The following CCNY variants were observed in gnomAD, a reference collection of about 807,000 sequenced individuals.
CCNY encodes cyclin Y.
CCNY carries 19 observed loss-of-function variants against 42.8 expected under a neutral mutation model. The observed-to-expected ratio is 0.44, with a 90% CI of 0.31 to 0.65. The LOEUF (loss-of-function observed/expected upper bound fraction) is 0.65, where lower values mean the gene tolerates loss of function less well. CCNY is among the 30% of genes least tolerant of loss of function. The probability of loss-of-function intolerance (pLI) is 0.07; values close to 1 mark genes in which losing one functional copy is unlikely to be tolerated. For missense variants in CCNY, 370 were observed against 437.3 expected (o/e 0.85, Z 1.37); for synonymous variants, 165 against 162.7 (o/e 1.01, Z -0.11).
In CCNY at chr10:35,499,284, G is replaced by A. The variant is rs113828934; in HGVS notation, c.230-2217G>A. The stretch of plus-strand genomic sequence containing the variant: ...TCATGGTGGAAGGTATCTCAGGCAC[G>A]TCTCACATCGCGGCAGAGAAGAGAA... On this transcript the variant is annotated intron_variant, in intron 2 of 9. Coordinates refer to ENST00000374704, the MANE Select transcript of CCNY (RefSeq NM_145012.6). Among the ~76,000 whole-genome samples, 518 of 152,272 alleles carry A rather than the reference G, an allele frequency of 3.4e-3. 4 individuals carry two copies. The highest frequency in any genetic ancestry group is 0.012 in the African/African-American group (485 of 41,572).
At chr10:35,439,309 A>G (rs1011723618) in intron 1 of CCNY, among the ~76,000 whole-genome samples, 6 of 151,892 alleles carry the variant, frequency 4.0e-5, no homozygotes, top group Admixed American at 2.0e-4. Flanking sequence ...ATTCTGGTCT[A>G]TTTCTCGATT....
chr10:35,528,218 G>A (rs973580126), intron 5 of CCNY, among the ~76,000 whole-genome samples: 4 of 152,144 alleles, frequency 2.6e-5, no homozygotes, highest in Non-Finnish European at 4.4e-5. Flanking sequence ...AATAAGGTGA[G>A]GGAATCCGCT....
chr10:35,312,776 G>A (rs1039359507), intron 3 of CCNY, among the ~76,000 whole-genome samples: 17 of 131,328 alleles, frequency 1.3e-4, no homozygotes, highest in Non-Finnish European at 4.8e-5. Context: ...TTTAGAGTTG[G>A]GGTCTTGTTC....
At chr10:35,303,684 G>A (rs1244079159) in intron 3 of CCNY, among the ~76,000 whole-genome samples, 1 of 149,836 alleles carries the variant, frequency 6.7e-6, no homozygotes, top group Non-Finnish European at 1.5e-5. Context: ...GGCTGAGGCA[G>A]GAGAATCCCT....
At chr10:35,485,309 C>T (rs891121582) in intron 2 of CCNY, among the ~76,000 whole-genome samples, 1 of 152,196 alleles carries the variant, frequency 6.6e-6, no homozygotes, top group East Asian at 1.9e-4. Context: ...TTGCTGTCAC[C>T]AAGAATTCCG....
In CCNY at chr10:35,256,388, C is replaced by T. The variant is rs111459716; in HGVS notation, c.-9+5762C>T. ...TATTTTCTCTGGTTACCATGGAGAT[C>T]GCATTTAACTTCCTAAAGTTATAAA... On this transcript the variant is annotated intron_variant, in intron 3 of 11. Coordinates refer to the CCNY transcript ENST00000374706. Among the ~76,000 whole-genome samples, 1,379 of 152,136 alleles carry T rather than the reference C, an allele frequency of 9.1e-3. 9 individuals carry two copies. Among genetic ancestry groups the T allele is most frequent in the African/African-American group, 0.021 (868 of 41,510 alleles).
intron 3 of CCNY, chr10:35,251,113 T>C (rs1350195885): frequency 6.6e-6 from 1 of 152,162 alleles, no homozygotes; most frequent in Non-Finnish European, 1.5e-5. Context: ...AGACTATTTT[T>C]TGGCCAGGTG....
chr10:35,436,437 G>C (rs147193935), intron 1 of CCNY, among the ~76,000 whole-genome samples: 57 of 152,330 alleles, frequency 3.7e-4, no homozygotes, highest in Non-Finnish European at 5.9e-5. Flanking sequence ...CCTGCAGTTG[G>C]TTGAAGGGTT....
At chr10:35,260,458 A>G (rs2095718714) in intron 3 of CCNY, among the ~76,000 whole-genome samples, 1 of 152,196 alleles carries the variant, frequency 6.6e-6, no homozygotes, top group African/African-American at 2.4e-5. Flanking sequence ...TAGTATGTCA[A>G]ATCTGGGACC....
chr10:35,419,576 A>G (rs1476263145), intron 1 of CCNY, among the ~76,000 whole-genome samples: 2 of 143,916 alleles, frequency 1.4e-5, no homozygotes, highest in African/African-American at 5.5e-5. Context: ...TTAAGGTGAT[A>G]AGTTATCGGT....
chr10:35,470,287 C>T (rs1010141981), intron 1 of CCNY, among the ~76,000 whole-genome samples: 3 of 150,220 alleles, frequency 2.0e-5, no homozygotes, highest in Non-Finnish European at 3.0e-5. Flanking sequence ...GTGGAGAGAC[C>T]GACAGAGGGA....
chr10:35,543,317 G>A (rs1034033944), intron 7 of CCNY, among the ~76,000 whole-genome samples: 5 of 152,128 alleles, frequency 3.3e-5, no homozygotes, highest in South Asian at 2.1e-4. Context: ...CCCATGGGTC[G>A]AAGTCTGAAG....
intron 1 of CCNY, among the ~76,000 whole-genome samples, chr10:35,406,241 A>ATTTT (rs1554785130): frequency 2.3e-4 from 22 of 96,674 alleles, no homozygotes; most frequent in African/African-American, 3.5e-4. Flanking sequence ...TTATTTATTT[A>ATTTT]TTTTTTTATT....
intron 1 of CCNY, among the ~76,000 whole-genome samples, chr10:35,461,140 A>G (rs567322660): frequency 2.3e-4 from 35 of 152,294 alleles, no homozygotes; most frequent in Non-Finnish European, 4.4e-4. Context: ...GAAGGATGAC[A>G]CTTTCCATAT....
At chr10:35,386,907 A>C (rs139024509) in intron 1 of CCNY, among the ~76,000 whole-genome samples, 1 of 151,996 alleles carries the variant, frequency 6.6e-6, no homozygotes, top group Non-Finnish European at 1.5e-5. Context: ...AAGCGTTGGG[A>C]GTGAAAAGCT....
In CCNY at chr10:35,552,906, TAATA is replaced by T; in HGVS notation, c.580-109_580-106del. 1.5e-5 allele frequency: 16 copies of T among 1,078,854 alleles called. No homozygotes were observed. The South Asian group carries it at 2.3e-4, about 16-fold the overall frequency. 66.8% of individuals were successfully genotyped at this position (1,078,854 alleles called of 1,614,324 possible). A position where few individuals can be genotyped will look rare whatever the true frequency, so the allele number is the denominator to read the frequency against. On this transcript the variant is annotated intron_variant, in intron 7 of 9. Coordinates refer to ENST00000374704, the MANE Select transcript of CCNY (RefSeq NM_145012.6). The stretch of plus-strand genomic sequence containing the variant: ...CCTTTTAAAAATAAATGTGATTGGG[TAATA>T]AATTCCCATTTAAAGGTGGATGTAA...
chr10:35,472,160 C>A (rs982253541), intron 1 of CCNY, among the ~76,000 whole-genome samples: 1 of 152,136 alleles, frequency 6.6e-6, no homozygotes, highest in African/African-American at 2.4e-5. Flanking sequence ...CTGCCCATTG[C>A]GCTAGTACCT....
At chr10:35,343,922 T>A (rs1163506440) in intron 1 of CCNY, among the ~76,000 whole-genome samples, 1 of 152,238 alleles carries the variant, frequency 6.6e-6, no homozygotes, top group African/African-American at 2.4e-5. Context: ...AGTATCATAC[T>A]TGTCACACTT....
At chr10:35,437,973 G>A (rs1365302397) in intron 1 of CCNY, among the ~76,000 whole-genome samples, 2 of 152,046 alleles carry the variant, frequency 1.3e-5, no homozygotes, top group African/African-American at 2.4e-5. Flanking sequence ...TCACCCCACA[G>A]CCTACTCTGA....
Sources: gnomAD v4.1 joint callset for allele counts (sites outside exome capture counted in the v4.1 genomes callset) on GRCh38, gnomAD v4.1.1 for gene constraint, MANE v1.5 for transcripts, NCBI Gene and HGNC (gene_info 2026-07-23, HGNC 2026-07-21) for gene names.